Variants in PUM1 observed in about 807,000 individuals in gnomAD.
PUM1 encodes pumilio RNA binding family member 1.
PUM1 carries 13 observed loss-of-function variants against 131.8 expected under a neutral mutation model. The ratio of observed to expected loss-of-function variants is 0.10; its 90% CI spans 0.06 to 0.16. PUM1 has a LOEUF of 0.16. Among genes scored for constraint, PUM1 ranks in the 10% least tolerant of loss-of-function variants. The probability of loss-of-function intolerance (pLI) is 1.00; values close to 1 mark genes in which losing one functional copy is unlikely to be tolerated. For synonymous variants in PUM1, 509 were observed against 556.5 expected, an observed-to-expected ratio of 0.91 and a Z score of 1.20; for missense variants, 961 against 1,512.4, an observed-to-expected ratio of 0.64 and a Z score of 6.05.
intron 14 of PUM1, among the ~76,000 whole-genome samples, chr1:30,963,243 G>C (rs973485141): frequency 5.9e-5 from 9 of 152,064 alleles, no homozygotes; most frequent in Non-Finnish European, 1.3e-4. Flanking sequence ...TATCAAACTG[G>C]GAGTTTGACA....
At chr1:31,044,816 T>C (rs923120141) in intron 2 of PUM1, among the ~76,000 whole-genome samples, 1 of 152,102 alleles carries the variant, frequency 6.6e-6, no homozygotes, top group Admixed American at 6.6e-5. Context: ...TTTTTTGTTG[T>C]TGTTGTTGTT....
At chr1:31,064,585 G>A (rs1032917643) in intron 1 of PUM1, among the ~76,000 whole-genome samples, 1 of 152,030 alleles carries the variant, frequency 6.6e-6, no homozygotes, top group Admixed American at 6.6e-5. Context: ...CCCAGGAAAA[G>A]CTTCATAAAA....
At chr1:31,059,164 T>TA (rs1644315930) in intron 2 of PUM1, 40 bp downstream of exon 2, 1 of 1,522,996 alleles carries the variant, frequency 6.6e-7, no homozygotes, top group South Asian at 1.3e-5. Flanking sequence ...ACAGTGATTA[T>TA]AAAGGAATGT....
chr1:31,016,519 T>C (rs777647609), intron 3 of PUM1, among the ~76,000 whole-genome samples: 1 of 152,184 alleles, frequency 6.6e-6, no homozygotes, highest in Non-Finnish European at 1.5e-5. Flanking sequence ...AATCTACATA[T>C]AAGCAGAGTG....
chr1:30,948,425 A>G (rs949139420), intron 17 of PUM1, among the ~76,000 whole-genome samples: 3 of 152,188 alleles, frequency 2.0e-5, no homozygotes, highest in African/African-American at 7.2e-5. Flanking sequence ...GACACCACAG[A>G]GAAACATGAC....
In PUM1 at chr1:30,998,425, C is replaced by A. The variant is rs1432046633; in HGVS notation, c.721-3205G>T. Reference sequence around the variant, plus strand: ...AGAAGCGGAAGGATCTAGGTTGAGGCCTAGAGTTCAAGACAAGCCTGGGCA... The same window carrying A: ...AGAAGCGGAAGGATCTAGGTTGAGGACTAGAGTTCAAGACAAGCCTGGGCA... On this transcript the variant is annotated intron_variant, in intron 5 of 21. Transcript: ENST00000426105. 2.6e-5 allele frequency among the ~76,000 whole-genome samples: 4 copies of A among 152,048 alleles called. No individual in the cohort carries two copies. The East Asian group carries it at 7.7e-4, about 29-fold the overall frequency.
chr1:30,963,066 C>T (rs1640482513), intron 14 of PUM1, among the ~76,000 whole-genome samples: 1 of 152,188 alleles, frequency 6.6e-6, no homozygotes, highest in Non-Finnish European at 1.5e-5. Flanking sequence ...AGGCTTGATT[C>T]TAAATCTGTT....
chr1:30,960,549 C>A (rs528628989), intron 14 of PUM1, among the ~76,000 whole-genome samples: 1 of 152,260 alleles, frequency 6.6e-6, no homozygotes, highest in East Asian at 1.9e-4. Flanking sequence ...TACAGCGAGG[C>A]CACAGTATAT....
intron 7 of PUM1, among the ~76,000 whole-genome samples, chr1:30,981,717 A>ATATCTATATATC (rs1350923476): frequency 2.0e-5 from 3 of 152,112 alleles, no homozygotes; most frequent in Non-Finnish European, 1.5e-5. Context: ...ATCTATATCT[A>ATATCTATATATC]TATCTATATA....
chr1:31,050,311 C>G (rs957149273), intron 2 of PUM1, among the ~76,000 whole-genome samples: 1 of 151,762 alleles, frequency 6.6e-6, no homozygotes, highest in Non-Finnish European at 1.5e-5. Context: ...ATTGTGAAAC[C>G]CTGTCTCTAC....
chr1:31,029,764 T>C (rs1055830903), intron 2 of PUM1, among the ~76,000 whole-genome samples: 1 of 151,634 alleles, frequency 6.6e-6, no homozygotes, highest in Non-Finnish European at 1.5e-5. Context: ...CTACAAAAAA[T>C]ATAAAAATTA....
chr1:31,038,958 T>TTATATATATATATATATATATATATA (rs200492434), intron 2 of PUM1, among the ~76,000 whole-genome samples: 6 of 43,954 alleles, frequency 1.4e-4, no homozygotes, highest in African/African-American at 3.5e-4. Flanking sequence ...TTTTAAAATT[T>TTATATATATATATATATATATATATA]TATATATATA....
At chr1:30,965,174 C>G (rs964912442) in intron 13 of PUM1, among the ~76,000 whole-genome samples, 1 of 152,154 alleles carries the variant, frequency 6.6e-6, no homozygotes, top group African/African-American at 2.4e-5. Context: ...TTAAAAAGCT[C>G]TGACGGCCAC....
chr1:30,949,066 G>A (rs570097386), intron 17 of PUM1: 2 of 446,628 alleles, frequency 4.5e-6, no homozygotes, highest in East Asian at 1.3e-4. Context: ...GCCAACACCA[G>A]TGCAGTGGTT....
At chr1:31,045,474 C>A (rs554875137) in intron 2 of PUM1, among the ~76,000 whole-genome samples, 3 of 152,234 alleles carry the variant, frequency 2.0e-5, no homozygotes, top group South Asian at 4.1e-4. Context: ...ACAGGCCAGG[C>A]ATGATGGCTC....
intron 21 of PUM1, 29 bp downstream of exon 21, chr1:30,936,614 T>C (rs1639220863): frequency 6.3e-7 from 1 of 1,591,728 alleles, no homozygotes; most frequent in African/African-American, 1.3e-5. Flanking sequence ...TTGCACACTT[T>C]CTCTGAGACC....
intron 14 of PUM1, among the ~76,000 whole-genome samples, chr1:30,954,532 A>C (rs530812149): frequency 6.6e-6 from 1 of 152,336 alleles, no homozygotes; most frequent in East Asian, 1.9e-4. Context: ...AAAATCGCTA[A>C]GACATTCCAG....
intron 7 of PUM1, among the ~76,000 whole-genome samples, chr1:30,984,289 G>A (rs1357056067): frequency 6.6e-6 from 1 of 152,160 alleles, no homozygotes; most frequent in Non-Finnish European, 1.5e-5. Context: ...TTATGTAAAT[G>A]GTGCAATATT....
intron 1 of PUM1, among the ~76,000 whole-genome samples, chr1:31,060,946 A>C (rs1379449668): frequency 6.6e-6 from 1 of 151,954 alleles, no homozygotes; most frequent in African/African-American, 2.4e-5. Flanking sequence ...TATTGATAGG[A>C]TATTTCTTAA....
Sources: gnomAD v4.1 joint callset for allele counts (sites outside exome capture counted in the v4.1 genomes callset) on GRCh38, gnomAD v4.1.1 for gene constraint, MANE v1.5 for transcripts, NCBI Gene and HGNC (gene_info 2026-07-23, HGNC 2026-07-21) for gene names.